The following SCN9A variants were observed in gnomAD, a reference collection of about 807,000 sequenced individuals.
SCN9A encodes sodium voltage-gated channel alpha subunit 9.
A neutral mutation model predicts 187.0 loss-of-function variants in SCN9A; 131 were observed. The ratio of observed to expected loss-of-function variants is 0.70; its 90% CI spans 0.61 to 0.81. The LOEUF is 0.81. SCN9A is among the 30% of genes least tolerant of loss of function. SCN9A has a pLI of 0.00. For synonymous variants in SCN9A, 809 were observed against 808.6 expected (o/e 1.00, Z -0.01); for missense variants, 2,252 against 2,396.6 (o/e 0.94, Z 1.26).
chr2:166,200,521 TGTC>T (rs1693457580), intron 26 of SCN9A, among the ~76,000 whole-genome samples: 1 of 150,404 alleles, frequency 6.6e-6, no homozygotes, highest in African/African-American at 2.4e-5. Context: ...TCACCTGAAA[TGTC>T]AACAATAACT....
rs763552752 is a variant in SCN9A at position 166,371,118 on chromosome 2, G to C, written c.-51+4579C>G. 8.7e-4 allele frequency among the ~76,000 whole-genome samples: 132 copies of C among 152,052 alleles called. 2 individuals are homozygous for C. Among genetic ancestry groups the C allele is most frequent in the Non-Finnish European group, 2.1e-4 (14 of 68,002 alleles). ...TTCAACAGTAATATATGGCATTTTTGGCTCCATGTTATATCACTTTAAAAA... is the reference window on the plus strand; with the variant it reads ...TTCAACAGTAATATATGGCATTTTTCGCTCCATGTTATATCACTTTAAAAA... On this transcript the variant is annotated intron_variant, in intron 1 of 26. Transcript: ENST00000642356.
chr2:166,258,602 A>T (rs1290125337), intron 17 of SCN9A, among the ~76,000 whole-genome samples: 1 of 151,628 alleles, frequency 6.6e-6, no homozygotes, highest in Non-Finnish European at 1.5e-5. Context: ...AAATGTATTC[A>T]AAGTTTATAC....
At chr2:166,360,385 A>T (rs1287134947) in intron 1 of SCN9A, among the ~76,000 whole-genome samples, 1 of 152,206 alleles carries the variant, frequency 6.6e-6, no homozygotes, top group Non-Finnish European at 1.5e-5. Context: ...ATAAAGGAAG[A>T]CAGAAAATAC....
chr2:166,280,473 C>T lies in SCN9A; in HGVS notation c.2227G>A (p.Asp743Asn). The part of the protein sequence containing the change: ...FKKCIYFIVM[D>N]PFVDLAITIC... ...GTAATTGCAAGATCTACAAAAGGAT[C>T]CATTACAATAAAATAGATACACTTT... Residue 743 changes from aspartate to asparagine, a missense_variant, in exon 14 of 27, where the codon GAT becomes AAT. By Grantham distance (23) the Asp-to-Asn change is conservative. Coordinates refer to ENST00000642356, the MANE Select transcript of SCN9A (RefSeq NM_001365536.1). 6.3e-7 allele frequency: 1 copy of T among 1,585,318 alleles called. No individual in the cohort carries two copies. The highest frequency in any genetic ancestry group is 1.3e-5 in the African/African-American group (1 of 74,646).
chr2:166,350,128 T>G (rs2105296949), intron 1 of SCN9A, among the ~76,000 whole-genome samples: 1 of 152,298 alleles, frequency 6.6e-6, no homozygotes, highest in East Asian at 1.9e-4. Flanking sequence ...CCAAAAACAT[T>G]TACAAAATGA....
intron 17 of SCN9A, among the ~76,000 whole-genome samples, chr2:166,269,589 G>A (rs1415453973): frequency 6.6e-6 from 1 of 151,968 alleles, no homozygotes; most frequent in African/African-American, 2.4e-5. Context: ...CTTTATAACT[G>A]TGAATAAAAT....
At position 166,197,850 on chromosome 2, in the gene SCN9A, T is replaced by C. The variant is rs927232513; in HGVS notation, c.*822A>G. On this transcript the variant is annotated 3_prime_UTR_variant, in exon 27 of 27. Transcript: ENST00000642356. ...TAATAGCAAATAGAACTTCTGTCAA[T>C]AACTTTTTTCTCAGTTATCTTTGTT... The C allele has an allele frequency of 1.3e-5, 2 of 152,094 alleles. No individual in the cohort carries two copies. The highest frequency in any genetic ancestry group is 2.9e-5 in the Non-Finnish European group (2 of 67,990). The allele number at this position is 152,094 out of a possible 1,614,324, so 9.4% of individuals were successfully genotyped here. A position where few individuals can be genotyped will look rare whatever the true frequency, so the allele number is the denominator to read the frequency against.
Position 166,278,220 on chromosome 2 carries a change from T to C in SCN9A, c.2437A>G (p.Ser813Gly), listed in dbSNP as rs201890240. The change falls in exon 15 of 27, where the codon AGC (serine) becomes GGC (glycine). Residue 813 changes from serine to glycine, a missense_variant. Ser to Gly is a moderately conservative substitution (Grantham distance 56, BLOSUM62 0). Around this residue, in one of 7 missense-constraint regions of SCN9A, gnomAD observed 1,013 missense variants for 997.4 expected, o/e 1.02. Transcript: ENST00000642356. ...ACTAAACTTAAAGTCACAATAAGGCTGTCAAAAATATTCCAGCCTACTTGG... is the reference window on the plus strand; with the variant it reads ...ACTAAACTTAAAGTCACAATAAGGCCGTCAAAAATATTCCAGCCTACTTGG... ...YFQVGWNIFDSLIVTLSLVEL... is the reference protein window; with the variant it reads ...YFQVGWNIFDGLIVTLSLVEL... The C allele has an allele frequency of 1.3e-3, 2,029 of 1,612,946 alleles. 40 individuals carry two copies. The South Asian group carries it at 0.021, about 17-fold the overall frequency.
At chr2:166,370,619 C>A (rs1030219841) in intron 1 of SCN9A, among the ~76,000 whole-genome samples, 11 of 151,170 alleles carry the variant, frequency 7.3e-5, no homozygotes, top group African/African-American at 2.7e-4. Flanking sequence ...GCATATAGCA[C>A]ATAAAATTTT....
rs765365158 is a variant in SCN9A at position 166,198,635 on chromosome 2, T to G, written c.*37A>C. The G allele has an allele frequency of 7.0e-7, 1 of 1,429,862 alleles. No individual in the cohort carries two copies. Among genetic ancestry groups the G allele is most frequent in the Non-Finnish European group, 9.5e-7 (1 of 1,055,734 alleles). The allele number at this position is 1,429,862 out of a possible 1,614,324, so 88.6% of individuals were successfully genotyped here. A position where few individuals can be genotyped will look rare whatever the true frequency, so the allele number is the denominator to read the frequency against. On this transcript the variant is annotated 3_prime_UTR_variant, in exon 27 of 27. Transcript: ENST00000642356. ...AGTTTTATTAACACAAATAAATCAC[T>G]TTCACAGGCTGTAAACAATATATCA...
intron 1 of SCN9A, among the ~76,000 whole-genome samples, chr2:166,328,995 TC>T: frequency 6.6e-6 from 1 of 152,222 alleles, no homozygotes; most frequent in African/African-American, 2.4e-5. Flanking sequence ...ATCCATGAAT[TC>T]CCTTAATGTA....
chr2:166,323,191 G>A (rs1559041610), intron 1 of SCN9A, among the ~76,000 whole-genome samples: 1 of 151,994 alleles, frequency 6.6e-6, no homozygotes, highest in Non-Finnish European at 1.5e-5. Flanking sequence ...CCAACACTTG[G>A]TTTATCTTCT....
At chr2:166,338,359 G>A (rs868314553) in intron 1 of SCN9A, among the ~76,000 whole-genome samples, 7 of 151,604 alleles carry the variant, frequency 4.6e-5, no homozygotes, top group Non-Finnish European at 8.8e-5. Flanking sequence ...TTTCTCTTTC[G>A]GTGCTCTTTA....
chr2:166,199,839 T>A lies in SCN9A; in HGVS notation c.4800A>T (p.Glu1600Asp). 3 of 1,613,790 alleles carry A rather than the reference T, an allele frequency of 1.9e-6. No individual in the cohort carries two copies. Among genetic ancestry groups the A allele is most frequent in the Non-Finnish European group, 2.5e-6 (3 of 1,179,880 alleles). The change falls in exon 27 of 27, where the codon GAA becomes GAT. Residue 1600 changes from glutamate (E) to aspartate (D), a missense_variant. This residue lies in a region of SCN9A where 368 missense variants were observed against 408.6 expected (regional missense o/e 0.90). Coordinates refer to ENST00000642356, the MANE Select transcript of SCN9A (RefSeq NM_001365536.1). ...ACAGGGTAGGGGACACAAAATACGT[T>A]TCAATCAAATCAGCTAGAAACATAC... is the stretch of plus-strand genomic sequence containing the variant. ...IVGMFLADLI[E>D]TYFVSPTLFR... is the part of the protein sequence containing the mutation.
rs1447835230 is a variant in SCN9A, at chr2:166,215,441, CAA to C, written c.4399-10979_4399-10978del. Among the ~76,000 whole-genome samples, 3 of 151,748 alleles carry C rather than the reference CAA, an allele frequency of 2.0e-5. No individual in the cohort carries two copies. The East Asian group carries it at 5.8e-4, about 29-fold the overall frequency. Reference sequence around the variant, plus strand: ...AAACTTTGCAGAAGGAAGAAAATAACAAAGATAATGATAGAAATAAACAAAGC... The same window carrying C: ...AAACTTTGCAGAAGGAAGAAAATAACAGATAATGATAGAAATAAACAAAGC... On this transcript the variant is annotated intron_variant, in intron 24 of 26. Coordinates refer to ENST00000642356, the MANE Select transcript of SCN9A (RefSeq NM_001365536.1).
At chr2:166,204,807 T>G in intron 24 of SCN9A, 1 of 155,818 alleles carries the variant, frequency 6.4e-6, no homozygotes, top group East Asian at 1.9e-4. Flanking sequence ...TAAGAAAATT[T>G]GTAAGAATTA....
Position 166,196,734 on chromosome 2 carries a change from A to G in SCN9A, c.*1938T>C, listed in dbSNP as rs938572129. Reference sequence around the variant, plus strand: ...CCAACAGGCTTGGTAGGTATGTGATAAAATGATCTATGTAGTCTCGGAAAA... The same window carrying G: ...CCAACAGGCTTGGTAGGTATGTGATGAAATGATCTATGTAGTCTCGGAAAA... On this transcript the variant is annotated 3_prime_UTR_variant, in exon 27 of 27. Transcript: ENST00000642356. 1.3e-5 allele frequency: 2 copies of G among 152,138 alleles called. No homozygotes were observed. The highest frequency in any genetic ancestry group is 6.5e-5 in the Admixed American group (1 of 15,270). 9.4% of individuals were successfully genotyped at this position (152,138 alleles called of 1,614,324 possible). A position where few individuals can be genotyped will look rare whatever the true frequency, so the allele number is the denominator to read the frequency against.
rs890639418 is a variant in SCN9A, at chr2:166,309,792, A to G, written c.258+1707T>C. On this transcript the variant is annotated intron_variant, in intron 2 of 26. Coordinates refer to ENST00000642356, the MANE Select transcript of SCN9A (RefSeq NM_001365536.1). Reference sequence around the variant, plus strand: ...AACCAAAAAAGAGCCCGCATCGCCAAGTCAATCCTAAGCCAAAAGAACAAA... The same window carrying G: ...AACCAAAAAAGAGCCCGCATCGCCAGGTCAATCCTAAGCCAAAAGAACAAA... 1.6e-4 allele frequency among the ~76,000 whole-genome samples: 23 copies of G among 148,046 alleles called. 1 individual carries two copies. The highest frequency in any genetic ancestry group is 5.8e-4 in the African/African-American group (23 of 39,464).
At chr2:166,365,651 G>A (rs564662103) in intron 1 of SCN9A, among the ~76,000 whole-genome samples, 2 of 152,254 alleles carry the variant, frequency 1.3e-5, no homozygotes, top group African/African-American at 4.8e-5. Context: ...TGACTAGAAT[G>A]ATTCTTCAGT....
Sources: allele counts gnomAD v4.1 joint callset (sites outside exome capture counted in the v4.1 genomes callset), GRCh38; gene constraint gnomAD v4.1.1; regional missense constraint gnomAD v4.1.1; transcripts MANE v1.5; gene names NCBI Gene and HGNC (gene_info 2026-07-23, HGNC 2026-07-21).